Variants in E2F6 observed in about 807,000 individuals in gnomAD.
E2F6 encodes transcription factor E2F6.
E2F6 carries 19 observed loss-of-function variants against 31.5 expected under a neutral mutation model. The observed-to-expected ratio is 0.60, with a 90% CI of 0.42 to 0.89. The LOEUF is 0.89. E2F6 is among the 40% of genes least tolerant of loss of function. The pLI is 0.00. For synonymous variants in E2F6, 121 were observed against 127.7 expected, an observed-to-expected ratio of 0.95 and a Z score of 0.36; for missense variants, 269 against 341.6, an observed-to-expected ratio of 0.79 and a Z score of 1.67.
chr2:11,446,654 G>T, intron 6 of E2F6, 131 bp from the exon 7 acceptor site: 2 of 692,766 alleles, frequency 2.9e-6, no homozygotes, highest in Middle Eastern at 2.5e-4. Flanking sequence ...TCAAGAACAC[G>T]TATTCTCAGG....
chr2:11,450,250 A>C, intron 4 of E2F6, 124 bp from the exon 5 acceptor site: 2 of 495,172 alleles, frequency 4.0e-6, no homozygotes, highest in Non-Finnish European at 3.5e-6. Context: ...ATACAAGTTC[A>C]CCATTAAGGA....
intron 1 of E2F6, among the ~76,000 whole-genome samples, chr2:11,459,472 C>A (rs1227043782): frequency 6.6e-6 from 1 of 152,180 alleles, no homozygotes; most frequent in African/African-American, 2.4e-5. Flanking sequence ...AAAACAGTCT[C>A]CAAGAGCATT....
At chr2:11,449,732 A>T (rs1288369094) in intron 5 of E2F6, among the ~76,000 whole-genome samples, 1 of 152,222 alleles carries the variant, frequency 6.6e-6, no homozygotes, top group Non-Finnish European at 1.5e-5. Flanking sequence ...TACAATAGTG[A>T]AAAGCAAACT....
chr2:11,457,318 C>A, intron 1 of E2F6, 85 bp from the exon 2 acceptor site: 1 of 857,428 alleles, frequency 1.2e-6, no homozygotes. Flanking sequence ...GTATAAAGGT[C>A]TGGGAATATG....
At chr2:11,458,392 A>G (rs1671547110) in intron 1 of E2F6, 3 of 1,546,032 alleles carry the variant, frequency 1.9e-6, no homozygotes, top group Non-Finnish European at 1.8e-6. Context: ...GTGGTACCGG[A>G]AATGAACAAA....
intron 2 of E2F6, chr2:11,455,443 T>C: frequency 1.5e-6 from 2 of 1,295,398 alleles, no homozygotes; most frequent in Middle Eastern, 2.1e-4. Flanking sequence ...TTTCATAATA[T>C]AAATGTCTTC....
intron 1 of E2F6, among the ~76,000 whole-genome samples, chr2:11,457,898 A>G (rs1342864694): frequency 6.6e-6 from 1 of 152,236 alleles, no homozygotes; most frequent in African/African-American, 2.4e-5. Context: ...GCTGTGGGTA[A>G]CTAGAAACTT....
chr2:11,464,495 T>C (rs1287356128), intron 1 of E2F6, among the ~76,000 whole-genome samples: 4 of 116,694 alleles, frequency 3.4e-5, no homozygotes, highest in Non-Finnish European at 5.0e-5. Flanking sequence ...CCAGCCTGGG[T>C]GACAGAGCAA....
At chr2:11,455,074 T>C (rs1671321822) in intron 2 of E2F6, among the ~76,000 whole-genome samples, 1 of 152,236 alleles carries the variant, frequency 6.6e-6, no homozygotes, top group South Asian at 2.1e-4. Flanking sequence ...TTAAGGAATG[T>C]TGATATGTGC....
chr2:11,463,950 G>GGGGT (rs1318049848), intron 1 of E2F6, among the ~76,000 whole-genome samples: 2 of 135,568 alleles, frequency 1.5e-5, no homozygotes, highest in Admixed American at 7.3e-5. Flanking sequence ...TCCTGCACCG[G>GGGGT]GGGGGGGGAC....
At chr2:11,452,259 G>GT (rs1671117828) in intron 3 of E2F6, among the ~76,000 whole-genome samples, 1 of 152,104 alleles carries the variant, frequency 6.6e-6, no homozygotes, top group Non-Finnish European at 1.5e-5. Context: ...TCTTTCCCTA[G>GT]TGTACACATT....
At chr2:11,463,872 G>A (rs946858448) in intron 1 of E2F6, among the ~76,000 whole-genome samples, 1 of 149,944 alleles carries the variant, frequency 6.7e-6, no homozygotes, top group Non-Finnish European at 1.5e-5. Flanking sequence ...GATCACTTGA[G>A]CCTGGGAGGT....
chr2:11,461,074 G>A (rs373398646), intron 1 of E2F6, among the ~76,000 whole-genome samples: 19 of 152,296 alleles, frequency 1.2e-4, no homozygotes, highest in East Asian at 5.8e-4. Flanking sequence ...GCACTGTCTT[G>A]TCCGGGAACT....
Position 11,455,543 on chromosome 2 carries a change from C to T in E2F6, c.163+1636G>A, listed in dbSNP as rs901837765. The T allele has an allele frequency of 7.3e-6, 7 of 963,734 alleles. No homozygotes were observed. The African/African-American group carries it at 1.2e-4, about 17-fold the overall frequency. The allele number at this position is 963,734 out of a possible 1,614,324, so 59.7% of individuals were successfully genotyped here. On this transcript the variant is annotated intron_variant, in intron 2 of 6. Transcript: ENST00000381525. ...TAATCGGAAGTAGAGGGTCACAATT[C>T]TACAACAAACTCAGGAAGATTACAA...
At position 11,447,930 on chromosome 2, in the gene E2F6, T is replaced by C. The variant is rs567983469; in HGVS notation, c.652-156A>G. 4.6e-5 allele frequency among the ~76,000 whole-genome samples: 7 copies of C among 152,238 alleles called. No homozygotes were observed. The South Asian group carries it at 1.0e-3, about 23-fold the overall frequency. ...AATTCCCATGCTGAAGACAGCTACA[T>C]GTGATCCTGCAGTAATGGCTTCAGA... On this transcript the variant is annotated intron_variant, in intron 5 of 6. Coordinates refer to ENST00000381525, the MANE Select transcript of E2F6 (RefSeq NM_198256.4).
rs373749407 is a variant in E2F6, at chr2:11,454,814, G to A, written c.164-1016C>T. On this transcript the variant is annotated intron_variant, in intron 2 of 6. Transcript: ENST00000381525. ...CACTTGTGTGCCAATCATATATATA[G>A]TTTTTAAAAACAAAAATAGGACCAT... Among the ~76,000 whole-genome samples, 10 of 151,900 alleles carry A rather than the reference G, an allele frequency of 6.6e-5. No individual in the cohort carries two copies. The South Asian group carries it at 2.1e-3, about 32-fold the overall frequency.
chr2:11,458,842 C>T lies in E2F6; in HGVS notation c.109-1609G>A, dbSNP rs958659360. The stretch of plus-strand genomic sequence containing the variant: ...TTAATTTAGTTGTTAGAATTGAACA[C>T]GTAGACCTGCTAGGGCATGCAACAC... On this transcript the variant is annotated intron_variant, in intron 1 of 6. Transcript: ENST00000381525. Among the ~76,000 whole-genome samples, 5 of 152,136 alleles carry T rather than the reference C, an allele frequency of 3.3e-5. No homozygotes were observed. The East Asian group carries it at 9.6e-4, about 29-fold the overall frequency.
intron 1 of E2F6, among the ~76,000 whole-genome samples, chr2:11,461,374 G>A (rs1216337297): frequency 2.6e-5 from 4 of 152,108 alleles, no homozygotes; most frequent in Non-Finnish European, 5.9e-5. Context: ...TTTTTGTGAT[G>A]GAGTTTCACT....
At chr2:11,465,075 G>C (rs995771118) in intron 1 of E2F6, among the ~76,000 whole-genome samples, 1 of 150,830 alleles carries the variant, frequency 6.6e-6, no homozygotes, top group Non-Finnish European at 1.5e-5. Context: ...CTACATGGGA[G>C]GCTGAAGCAG....
Sources: gnomAD v4.1 joint callset for allele counts (sites outside exome capture counted in the v4.1 genomes callset) on GRCh38, gnomAD v4.1.1 for gene constraint, MANE v1.5 for transcripts, NCBI Gene and HGNC (gene_info 2026-07-23, HGNC 2026-07-21) for gene names.